The following LOXL2 variants were observed in gnomAD, a reference collection of about 807,000 sequenced individuals.
LOXL2 encodes the protein lysyl oxidase like 2, also known as lysyl oxidase homolog 2.
A neutral mutation model predicts 93.0 loss-of-function variants in LOXL2; 70 were observed. The observed-to-expected ratio is 0.75, with a 90% CI of 0.62 to 0.92. The LOEUF is 0.92. Among genes scored for constraint, LOXL2 ranks in the 40% least tolerant of loss-of-function variants. The pLI is 0.00. For missense variants in LOXL2, 973 were observed against 1,054.9 expected (o/e 0.92, Z 1.08); for synonymous variants, 438 against 413.2 (o/e 1.06, Z -0.73).
intron 3 of LOXL2, among the ~76,000 whole-genome samples, chr8:23,346,886 C>G (rs1035944280): frequency 1.3e-5 from 2 of 152,200 alleles, no homozygotes; most frequent in Non-Finnish European, 2.9e-5. Context: ...GACATAACAT[C>G]ATGCCAACAT....
chr8:23,360,941 G>A (rs1035592212), intron 2 of LOXL2, among the ~76,000 whole-genome samples: 1 of 151,024 alleles, frequency 6.6e-6, no homozygotes, highest in African/African-American at 2.4e-5. Flanking sequence ...TTGCTCTGTC[G>A]CCAGGCTGGA....
chr8:23,328,708 G>GGTGTGTGT (rs1406520302), intron 5 of LOXL2, 143 bp from the exon 6 acceptor site: 3 of 422,654 alleles, frequency 7.1e-6, no homozygotes, highest in South Asian at 4.9e-5. Context: ...TTGATGTATG[G>GGTGTGTGT]ATGTGTGTGT....
intron 2 of LOXL2, among the ~76,000 whole-genome samples, chr8:23,367,687 G>C (rs1223982386): frequency 6.6e-6 from 1 of 152,214 alleles, no homozygotes; most frequent in Non-Finnish European, 1.5e-5. Flanking sequence ...CCCCCTACCT[G>C]GGGTCACCAA....
At chr8:23,344,992 G>A (rs1221982100) in intron 3 of LOXL2, among the ~76,000 whole-genome samples, 2 of 152,116 alleles carry the variant, frequency 1.3e-5, no homozygotes, top group East Asian at 3.9e-4. Context: ...TGTCAGCTTT[G>A]AATAATGACA....
chr8:23,371,712 A>T (rs1804498410), intron 1 of LOXL2, among the ~76,000 whole-genome samples: 1 of 130,716 alleles, frequency 7.7e-6, no homozygotes, highest in African/African-American at 2.9e-5. Flanking sequence ...AGGTCACGCC[A>T]CTGCACTCCA....
chr8:23,401,845 T>C (rs1024511925), intron 1 of LOXL2, among the ~76,000 whole-genome samples: 3 of 152,234 alleles, frequency 2.0e-5, no homozygotes, highest in Non-Finnish European at 2.9e-5. Flanking sequence ...ATCTCCTATC[T>C]GTGATACTTA....
intron 1 of LOXL2, among the ~76,000 whole-genome samples, 180 bp from the exon 2 acceptor site, chr8:23,368,614 C>T (rs1804451160): frequency 6.6e-6 from 1 of 152,238 alleles, no homozygotes; most frequent in African/African-American, 2.4e-5. Context: ...CCTTTACCTA[C>T]TGCCTTGTCA....
At chr8:23,319,231 C>A (rs529988265) in intron 8 of LOXL2, among the ~76,000 whole-genome samples, 9 of 129,912 alleles carry the variant, frequency 6.9e-5, no homozygotes, top group African/African-American at 2.0e-4. Context: ...GGTGGGAATG[C>A]GTCGGGATTA....
chr8:23,308,498 G>A (rs1186777088), intron 10 of LOXL2, among the ~76,000 whole-genome samples: 1 of 152,208 alleles, frequency 6.6e-6, no homozygotes, highest in African/African-American at 2.4e-5. Context: ...GGGGCTTCCT[G>A]CTTTATTTAG....
At chr8:23,346,123 A>T (rs1281729552) in intron 3 of LOXL2, among the ~76,000 whole-genome samples, 14 of 74,712 alleles carry the variant, frequency 1.9e-4, no homozygotes, top group Admixed American at 8.3e-4. Context: ...AAATTAAAAT[A>T]AAATAAAATA....
At position 23,309,836 on chromosome 8, in the gene LOXL2, A is replaced by G. The variant is rs1803294689; in HGVS notation, c.1712T>C (p.Leu571Pro). The G allele has an allele frequency of 1.9e-6, 3 of 1,600,302 alleles. No homozygotes were observed. Among genetic ancestry groups the G allele is most frequent in the Non-Finnish European group, 2.6e-6 (3 of 1,173,302 alleles). Residue 571 changes from leucine (L) to proline (P), a missense_variant, in exon 10 of 14, where the codon CTG becomes CCG. By Grantham distance (98) the Leu-to-Pro change is moderately conservative. Coordinates refer to ENST00000389131, the MANE Select transcript of LOXL2 (RefSeq NM_002318.3). The part of the protein sequence containing the change: ...TYLEDRPMFM[L>P]QCAMEENCLS... ...GCAGTTCTCCTCCATGGCACACTGC[A>G]GCATGAACATGGGCCGGTCCTCCAG...
intron 1 of LOXL2, among the ~76,000 whole-genome samples, chr8:23,397,112 A>C (rs1463517715): frequency 6.6e-6 from 1 of 152,246 alleles, no homozygotes. Flanking sequence ...CGAAAAGACA[A>C]ATATAATATA....
intron 3 of LOXL2, among the ~76,000 whole-genome samples, chr8:23,354,953 T>TA (rs1804165661): frequency 2.7e-5 from 1 of 37,088 alleles, no homozygotes; most frequent in Non-Finnish European, 4.5e-5. Flanking sequence ...ATATATATTT[T>TA]TTTTTTTTTT....
rs1804440136 is a variant in LOXL2, at chr8:23,368,166, C to T, written c.186G>A (p.Gly62=). The change falls in exon 2 of 14, where the codon GGG becomes GGA. Residue 62 remains glycine (G), a synonymous_variant. Transcript: ENST00000389131. ...GGCCCTCGCTGTGCTTCCTCTTCTG[C>T]CCAGCCAGGCGCAGCTGAATCTTGG... is the stretch of plus-strand genomic sequence containing the variant. ...NVAKIQLRLA[G]QKRKHSEGRV... 8.7e-6 allele frequency: 14 copies of T among 1,614,112 alleles called. No individual in the cohort carries two copies. The highest frequency in any genetic ancestry group is 1.2e-5 in the Non-Finnish European group (14 of 1,180,016).
intron 1 of LOXL2, among the ~76,000 whole-genome samples, chr8:23,403,705 C>G (rs543412589): frequency 3.7e-4 from 56 of 152,140 alleles, no homozygotes; most frequent in Non-Finnish European, 6.2e-4. Flanking sequence ...GCGCCTCGCT[C>G]CCCGGGCGCG....
chr8:23,365,509 AAGAC>A (rs1034864967), intron 2 of LOXL2: 2 of 141,668 alleles, frequency 1.4e-5, no homozygotes, highest in African/African-American at 6.0e-5. Context: ...CCGTGAACAC[AAGAC>A]AGAGTTTTTT....
At chr8:23,347,230 G>A (rs1197572498) in intron 3 of LOXL2, among the ~76,000 whole-genome samples, 1 of 151,338 alleles carries the variant, frequency 6.6e-6, no homozygotes, top group African/African-American at 2.4e-5. Flanking sequence ...GGTGGTGCAT[G>A]CCTGTAATCC....
chr8:23,384,611 G>C (rs1243943168), intron 1 of LOXL2, among the ~76,000 whole-genome samples: 1 of 152,148 alleles, frequency 6.6e-6, no homozygotes, highest in Non-Finnish European at 1.5e-5. Context: ...CAGAAGGAGG[G>C]AGTAACTTAA....
intron 3 of LOXL2, among the ~76,000 whole-genome samples, chr8:23,344,830 G>A (rs1048091660): frequency 6.6e-6 from 1 of 152,144 alleles, no homozygotes; most frequent in Non-Finnish European, 1.5e-5. Flanking sequence ...CTTCAAACTG[G>A]ACCGTCTTCT....
Sources: allele counts gnomAD v4.1 joint callset (sites outside exome capture counted in the v4.1 genomes callset), GRCh38; gene constraint gnomAD v4.1.1; transcripts MANE v1.5; gene names NCBI Gene and HGNC (gene_info 2026-07-23, HGNC 2026-07-21).